Variants in XKR4 observed in about 807,000 individuals in gnomAD.
The protein encoded by XKR4 is XK related 4.
XKR4 carries 12 observed loss-of-function variants against 53.9 expected under a neutral mutation model. That is an observed-to-expected ratio of 0.22 (90% confidence interval 0.14 to 0.36). XKR4 has a LOEUF of 0.36. XKR4 is among the 10% of genes least tolerant of loss of function. The pLI, the probability that XKR4 is intolerant of heterozygous loss-of-function variation, is 1.00. For synonymous variants in XKR4, 354 were observed against 362.4 expected (o/e 0.98, Z 0.26); for missense variants, 799 against 859.5 (o/e 0.93, Z 0.88).
chr8:55,228,047 C>T lies in XKR4; in HGVS notation c.806+124753C>T, dbSNP rs150148347. Among the ~76,000 whole-genome samples the T allele has an allele frequency of 3.7e-3, 557 of 152,282 alleles. 5 individuals carry two copies. Among genetic ancestry groups the T allele is most frequent in the African/African-American group, 6.5e-3 (270 of 41,538 alleles). ...TCAGCCTCCAGAGAAGCTGGGATTA[C>T]GGACACGCACCACCACGCCCAGCTA... On this transcript the variant is annotated intron_variant, in intron 1 of 2. Coordinates refer to ENST00000327381, the MANE Select transcript of XKR4 (RefSeq NM_052898.2).
chr8:55,393,194 G>T (rs2975949), intron 2 of XKR4, among the ~76,000 whole-genome samples: 2 of 151,948 alleles, frequency 1.3e-5, no homozygotes, highest in East Asian at 1.9e-4. Context: ...GTGAGACAAG[G>T]TGTCATATGT....
intron 1 of XKR4, among the ~76,000 whole-genome samples, chr8:55,257,988 C>T (rs1022057543): frequency 1.4e-4 from 22 of 152,294 alleles, no homozygotes; most frequent in East Asian, 3.9e-4. Flanking sequence ...TAGCTCAGAC[C>T]GTGGGCTCTG....
intron 2 of XKR4, among the ~76,000 whole-genome samples, chr8:55,423,198 C>T (rs189526757): frequency 2.0e-5 from 3 of 152,032 alleles, no homozygotes; most frequent in South Asian, 4.2e-4. Flanking sequence ...CAGGTTCAAG[C>T]GATTCTCATG....
At chr8:55,405,407 A>G (rs183924261) in intron 2 of XKR4, among the ~76,000 whole-genome samples, 6 of 152,300 alleles carry the variant, frequency 3.9e-5, no homozygotes, top group Non-Finnish European at 8.8e-5. Context: ...GCCTTTCATT[A>G]TTTGCTTTCT....
chr8:55,397,356 C>A (rs1341557967), intron 2 of XKR4, among the ~76,000 whole-genome samples: 1 of 152,142 alleles, frequency 6.6e-6, no homozygotes, highest in Non-Finnish European at 1.5e-5. Context: ...GCAGGGAAAG[C>A]CAGAGCCCTT....
chr8:55,210,622 C>T (rs1184878298), intron 1 of XKR4, among the ~76,000 whole-genome samples: 1 of 152,034 alleles, frequency 6.6e-6, no homozygotes, highest in Non-Finnish European at 1.5e-5. Flanking sequence ...TGAAGAAGCC[C>T]CATTTTCTGG....
chr8:55,215,310 C>A (rs1016272285), intron 1 of XKR4, among the ~76,000 whole-genome samples: 5 of 152,146 alleles, frequency 3.3e-5, no homozygotes, highest in Non-Finnish European at 7.3e-5. Flanking sequence ...CATAATAAAG[C>A]TTTTTCTGGA....
chr8:55,150,884 T>C (rs1285881034), intron 1 of XKR4, among the ~76,000 whole-genome samples: 3 of 151,940 alleles, frequency 2.0e-5, no homozygotes, highest in Admixed American at 6.6e-5. Context: ...GAATGGAGAG[T>C]GAATGAACAC....
intron 2 of XKR4, among the ~76,000 whole-genome samples, chr8:55,439,186 A>G (rs1312663359): frequency 5.9e-5 from 9 of 152,224 alleles, no homozygotes; most frequent in Non-Finnish European, 1.5e-5. Flanking sequence ...TCTTCAAGCT[A>G]AAAAAGTAAT....
chr8:55,319,353 C>T (rs1370555975), intron 1 of XKR4, among the ~76,000 whole-genome samples: 4 of 152,136 alleles, frequency 2.6e-5, no homozygotes, highest in Non-Finnish European at 5.9e-5. Context: ...AAGCATTATT[C>T]TTTGACCATT....
At chr8:55,519,049 G>A (rs1424467111) in intron 2 of XKR4, among the ~76,000 whole-genome samples, 1 of 152,192 alleles carries the variant, frequency 6.6e-6, no homozygotes, top group Non-Finnish European at 1.5e-5. Context: ...TTAGGAAGTA[G>A]GAGAGTTCGC....
chr8:55,145,529 GGA>G, intron 1 of XKR4, among the ~76,000 whole-genome samples: 1 of 152,246 alleles, frequency 6.6e-6, no homozygotes, highest in East Asian at 1.9e-4. Flanking sequence ...TTGGGGCACT[GGA>G]GAGAGTGTCC....
At chr8:55,161,419 C>G in intron 1 of XKR4, 1 of 403,550 alleles carries the variant, frequency 2.5e-6, no homozygotes, top group South Asian at 1.8e-5. Context: ...TAATTCCCTG[C>G]TTCTCTCTGA....
At chr8:55,452,813 G>T in intron 2 of XKR4, 1 of 772,900 alleles carries the variant, frequency 1.3e-6, no homozygotes, top group Admixed American at 1.7e-5. Context: ...CCAGGCTGTT[G>T]CTGGTGCTCT....
chr8:55,140,510 TC>T (rs1816688337), intron 1 of XKR4, among the ~76,000 whole-genome samples: 1 of 152,230 alleles, frequency 6.6e-6, no homozygotes, highest in Non-Finnish European at 1.5e-5. Flanking sequence ...AGGGCACAGT[TC>T]CCCAGGCTCT....
chr8:55,521,082 G>A (rs1734549373), intron 2 of XKR4: 1 of 152,254 alleles, frequency 6.6e-6, no homozygotes, highest in Non-Finnish European at 1.5e-5. Context: ...GCGGCGCTGT[G>A]CCCCAGCTGT....
intron 2 of XKR4, among the ~76,000 whole-genome samples, chr8:55,375,201 A>G (rs1804129738): frequency 6.6e-6 from 1 of 152,222 alleles, no homozygotes; most frequent in African/African-American, 2.4e-5. Flanking sequence ...AAATAATTTT[A>G]AAGATCTAAA....
intron 1 of XKR4, among the ~76,000 whole-genome samples, chr8:55,132,145 G>A (rs1386520178): frequency 2.0e-5 from 3 of 152,244 alleles, no homozygotes; most frequent in Admixed American, 2.0e-4. Context: ...TATTGAGCTT[G>A]TATCATGCAC....
intron 1 of XKR4, among the ~76,000 whole-genome samples, chr8:55,300,040 C>T (rs932402546): frequency 6.6e-6 from 1 of 152,096 alleles, no homozygotes; most frequent in African/African-American, 2.4e-5. Context: ...GGTGTCAAAG[C>T]CCCCGCTGTA....
Sources: gnomAD v4.1 joint callset for allele counts (sites outside exome capture counted in the v4.1 genomes callset) on GRCh38, gnomAD v4.1.1 for gene constraint, MANE v1.5 for transcripts, NCBI Gene and HGNC (gene_info 2026-07-23, HGNC 2026-07-21) for gene names.